The following DAG1 variants were observed in gnomAD, a reference collection of about 807,000 sequenced individuals.
DAG1 encodes the protein dystroglycan 1.
A neutral mutation model predicts 46.1 loss-of-function variants in DAG1; 8 were observed. The observed-to-expected ratio is 0.17, with a 90% CI of 0.10 to 0.31. DAG1 has a LOEUF of 0.31. DAG1 is among the 10% of genes least tolerant of loss of function. The pLI, the probability that DAG1 is intolerant of heterozygous loss-of-function variation, is 1.00. For missense variants in DAG1, 1,003 were observed against 1,189.9 expected, an observed-to-expected ratio of 0.84 and a Z score of 2.31; for synonymous variants, 495 against 481.8, an observed-to-expected ratio of 1.03 and a Z score of -0.36.
At chr3:49,493,978 T>A (rs1341922256) in intron 1 of DAG1, among the ~76,000 whole-genome samples, 1 of 152,172 alleles carries the variant, frequency 6.6e-6, no homozygotes, top group Non-Finnish European at 1.5e-5. Flanking sequence ...AGTTTGTGAT[T>A]TTTTAGAATT....
intron 2 of DAG1, among the ~76,000 whole-genome samples, chr3:49,522,032 A>AT (rs1216285544): frequency 2.7e-5 from 3 of 113,174 alleles, no homozygotes; most frequent in East Asian, 2.6e-3. Context: ...TTTTTACTTT[A>AT]TTTTATTTTT....
intron 1 of DAG1, among the ~76,000 whole-genome samples, chr3:49,505,623 T>C (rs2050584822): frequency 6.6e-6 from 1 of 152,206 alleles, no homozygotes; most frequent in African/African-American, 2.4e-5. Flanking sequence ...TAGACAATTA[T>C]GTCATCTGCA....
intron 1 of DAG1, among the ~76,000 whole-genome samples, chr3:49,475,907 G>C (rs2106854086): frequency 6.6e-6 from 1 of 151,968 alleles, no homozygotes; most frequent in South Asian, 2.1e-4. Context: ...TTTTAGTAGA[G>C]ACGGGGTTTC....
intron 1 of DAG1, among the ~76,000 whole-genome samples, chr3:49,500,242 A>G (rs2050411481): frequency 6.6e-6 from 1 of 151,958 alleles, no homozygotes; most frequent in African/African-American, 2.4e-5. Context: ...TGAACTCCTG[A>G]CCTCGTGATC....
intron 1 of DAG1, among the ~76,000 whole-genome samples, chr3:49,481,111 C>T (rs370601509): frequency 4.1e-5 from 6 of 146,926 alleles, no homozygotes; most frequent in Admixed American, 6.8e-5. Flanking sequence ...GAATTGTGGC[C>T]GGGCGCAGTG....
At chr3:49,486,599 T>G (rs1357873621) in intron 1 of DAG1, among the ~76,000 whole-genome samples, 1 of 151,854 alleles carries the variant, frequency 6.6e-6, no homozygotes, top group Non-Finnish European at 1.5e-5. Context: ...ACCTCGTGGG[T>G]TCAAGTGATT....
chr3:49,505,058 T>C (rs190419873), intron 1 of DAG1, among the ~76,000 whole-genome samples: 59 of 151,356 alleles, frequency 3.9e-4, no homozygotes, highest in Middle Eastern at 6.8e-3. Flanking sequence ...TGCAGTGGTG[T>C]GAATGTGGCT....
chr3:49,485,111 G>A (rs928796213), intron 1 of DAG1, among the ~76,000 whole-genome samples: 3 of 150,288 alleles, frequency 2.0e-5, no homozygotes, highest in Admixed American at 1.3e-4. Context: ...CTCAGCCTCC[G>A]GAGTAGCTGG....
chr3:49,531,079 G>A lies in DAG1; in HGVS notation c.568G>A (p.Val190Ile), dbSNP rs545200027. ...CTGTGCTGCGGATGAACCTGTGACT[G>A]TTTTGACGGTGATTTTGGATGCCGA... Reference protein sequence around the residue: ...SACAADEPVTVLTVILDADLT... With the variant: ...SACAADEPVTILTVILDADLT... Residue 190 changes from valine to isoleucine, a missense_variant, in exon 3 of 3, where the codon GTT (valine) becomes ATT (isoleucine). Physicochemically the swap from Val to Ile is conservative, Grantham distance 29. This residue lies in a region of DAG1 where 196 missense variants were observed against 239.1 expected (regional missense o/e 0.82). Coordinates refer to ENST00000308775, the MANE Select transcript of DAG1 (RefSeq NM_004393.6). The surrounding 1 kb of genome is among the most constrained non-coding windows in gnomAD (Gnocchi z 7.0). The A allele has an allele frequency of 6.2e-7, 1 of 1,614,180 alleles. No individual in the cohort carries two copies. Among genetic ancestry groups the A allele is most frequent in the East Asian group, 2.2e-5 (1 of 44,890 alleles).
chr3:49,481,004 G>T (rs1345455033), intron 1 of DAG1, among the ~76,000 whole-genome samples: 36 of 144,344 alleles, frequency 2.5e-4, no homozygotes, highest in African/African-American at 8.6e-4. Flanking sequence ...CTCGTGATCC[G>T]CCCGCTTCGG....
Position 49,526,911 on chromosome 3 carries a change from A to G in DAG1, c.286-3886A>G, listed in dbSNP as rs142397622. Among the ~76,000 whole-genome samples the G allele has an allele frequency of 1.1e-4, 16 of 152,262 alleles. No individual in the cohort carries two copies. The East Asian group carries it at 2.9e-3, about 28-fold the overall frequency. The stretch of plus-strand genomic sequence containing the variant: ...TTAACATGTTTTTAAGTTACTTGGC[A>G]TAGTTAAAATAAGTGTATGGCTTTC... On this transcript the variant is annotated intron_variant, in intron 2 of 2. Coordinates refer to ENST00000308775, the MANE Select transcript of DAG1 (RefSeq NM_004393.6).
At chr3:49,528,836 GATA>G (rs1189291714) in intron 2 of DAG1, among the ~76,000 whole-genome samples, 6 of 149,518 alleles carry the variant, frequency 4.0e-5, no homozygotes, top group Non-Finnish European at 8.9e-5. Flanking sequence ...TGATAACCCT[GATA>G]ATAATAACGC....
At chr3:49,522,748 C>G (rs182004274) in intron 2 of DAG1, among the ~76,000 whole-genome samples, 5 of 152,326 alleles carry the variant, frequency 3.3e-5, no homozygotes, top group Admixed American at 2.0e-4. Context: ...GACTTACTTT[C>G]TATCTCAGAA....
chr3:49,504,618 A>C (rs557508823), intron 1 of DAG1, among the ~76,000 whole-genome samples: 42 of 86,720 alleles, frequency 4.8e-4, no homozygotes, highest in African/African-American at 1.8e-3. Flanking sequence ...ACAGAGTCTC[A>C]CTCTGTTGCT....
chr3:49,478,038 G>T (rs1021595629), intron 1 of DAG1, among the ~76,000 whole-genome samples: 1 of 151,644 alleles, frequency 6.6e-6, no homozygotes, highest in African/African-American at 2.4e-5. Flanking sequence ...AGGCCGAGGC[G>T]GGTACATCAT....
At chr3:49,496,524 AT>A (rs920073116) in intron 1 of DAG1, among the ~76,000 whole-genome samples, 4 of 149,632 alleles carry the variant, frequency 2.7e-5, no homozygotes, top group Non-Finnish European at 3.0e-5. Flanking sequence ...CGCCTGGCTA[AT>A]TTTTTTTTGT....
chr3:49,525,906 A>G, intron 2 of DAG1, among the ~76,000 whole-genome samples: 1 of 149,188 alleles, frequency 6.7e-6, no homozygotes, highest in East Asian at 2.0e-4. Flanking sequence ...GCTGGAGTGA[A>G]GTGGTGCAAT....
At chr3:49,485,615 T>C (rs2050002336) in intron 1 of DAG1, among the ~76,000 whole-genome samples, 1 of 152,032 alleles carries the variant, frequency 6.6e-6, no homozygotes, top group Non-Finnish European at 1.5e-5. Flanking sequence ...TTAGGTTGCT[T>C]AGACCTAATG....
rs1402341920 is a variant in DAG1 at position 49,532,744 on chromosome 3, A to C, written c.2233A>C (p.Ser745Arg). 1 of 1,614,156 alleles carries C rather than the reference A, an allele frequency of 6.2e-7. No homozygotes were observed. The highest frequency in any genetic ancestry group is 8.5e-7 in the Non-Finnish European group (1 of 1,180,044). ...GCCTGACAGGGACCCTGAGAAGAGC[A>C]GTGAGGATGATGTCTACCTGCACAC... ...EVPDRDPEKS[S>R]EDDVYLHTVI... Residue 745 changes from serine (S) to arginine (R), a missense_variant, in exon 3 of 3, where the codon AGT becomes CGT. This residue lies in a region of DAG1 where 755 missense variants were observed against 854.1 expected (regional missense o/e 0.88). Transcript: ENST00000308775. The surrounding 1 kb of genome is among the most constrained non-coding windows in gnomAD (Gnocchi z 5.4).
Sources: gnomAD v4.1 joint callset for allele counts (sites outside exome capture counted in the v4.1 genomes callset) on GRCh38, gnomAD v4.1.1 for gene constraint, gnomAD v4.1.1 regional missense constraint, Gnocchi (gnomAD v3.1) non-coding constraint, MANE v1.5 for transcripts, NCBI Gene and HGNC (gene_info 2026-07-23, HGNC 2026-07-21) for gene names.